The following TNKS variants were observed in gnomAD, a reference collection of about 807,000 sequenced individuals.
TNKS encodes the protein tankyrase.
In TNKS, 72 loss-of-function variants were observed where a neutral mutation model predicts 135.8. That is an observed-to-expected ratio of 0.53 (90% confidence interval 0.44 to 0.64). TNKS has a LOEUF of 0.64. Ranked by LOEUF, TNKS falls within the 30% of genes least tolerant of loss-of-function variation. The probability of loss-of-function intolerance (pLI) is 0.00; values close to 1 mark genes in which losing one functional copy is unlikely to be tolerated. For synonymous variants in TNKS, 849 were observed against 649.3 expected (o/e 1.31, Z -4.68); for missense variants, 1,769 against 1,674.0 (o/e 1.06, Z -0.99).
chr8:9,712,439 CACTGT>C (rs1363510124), intron 11 of TNKS, among the ~76,000 whole-genome samples: 2 of 151,450 alleles, frequency 1.3e-5, no homozygotes, highest in Non-Finnish European at 2.9e-5. Flanking sequence ...ATGATCATAC[CACTGT>C]ACTGCAGCCT....
At chr8:9,568,257 C>T (rs543682744) in intron 1 of TNKS, among the ~76,000 whole-genome samples, 2 of 152,276 alleles carry the variant, frequency 1.3e-5, no homozygotes, top group African/African-American at 2.4e-5. Flanking sequence ...GTTTGTTTCT[C>T]AGGGATCTGG....
intron 3 of TNKS, among the ~76,000 whole-genome samples, chr8:9,632,368 A>T (rs1800323984): frequency 6.6e-6 from 1 of 152,204 alleles, no homozygotes; most frequent in African/African-American, 2.4e-5. Flanking sequence ...ATACTCTCGC[A>T]TAGATTCACC....
chr8:9,676,215 G>A (rs527903321), intron 3 of TNKS, among the ~76,000 whole-genome samples: 3 of 151,980 alleles, frequency 2.0e-5, no homozygotes, highest in African/African-American at 4.8e-5. Context: ...GTTTCACCAT[G>A]TTGGCCAGGC....
chr8:9,652,136 G>C (rs577625392), intron 3 of TNKS, among the ~76,000 whole-genome samples: 1 of 152,292 alleles, frequency 6.6e-6, no homozygotes, highest in East Asian at 1.9e-4. Context: ...GAAGCTGTTA[G>C]AAGTCAATAG....
At chr8:9,734,375 T>A (rs529207570) in intron 15 of TNKS, among the ~76,000 whole-genome samples, 1 of 152,354 alleles carries the variant, frequency 6.6e-6, no homozygotes, top group East Asian at 1.9e-4. Context: ...TCATGATAGA[T>A]GTTAAGACTT....
At chr8:9,742,930 A>G (rs1806043230) in intron 17 of TNKS, among the ~76,000 whole-genome samples, 1 of 152,036 alleles carries the variant, frequency 6.6e-6, no homozygotes, top group Non-Finnish European at 1.5e-5. Context: ...GAGTAGATAC[A>G]ACTGTGTTCT....
rs186855406 is a variant in TNKS, at chr8:9,705,343, C to T, written c.1202+586C>T. Among the ~76,000 whole-genome samples the T allele has an allele frequency of 1.3e-3, 195 of 152,254 alleles. 1 individual carries two copies. The South Asian group carries it at 0.017, about 14-fold the overall frequency. On this transcript the variant is annotated intron_variant, in intron 6 of 26. Coordinates refer to ENST00000310430, the MANE Select transcript of TNKS (RefSeq NM_003747.3). ...ATATACGATCATTGGGTTTGCTGTC[C>T]TATGTGGTGGACTAACATTTCTCAT...
At chr8:9,664,493 A>G (rs1801895948) in intron 3 of TNKS, among the ~76,000 whole-genome samples, 1 of 152,242 alleles carries the variant, frequency 6.6e-6, no homozygotes. Flanking sequence ...ATACATTTGG[A>G]AGGCACAAAC....
At chr8:9,749,635 T>C (rs1461569797) in intron 18 of TNKS, among the ~76,000 whole-genome samples, 2 of 152,048 alleles carry the variant, frequency 1.3e-5, no homozygotes, top group African/African-American at 4.8e-5. Flanking sequence ...CCACTATGCC[T>C]GGCTATTTTT....
At chr8:9,740,567 C>T (rs1051265592) in intron 17 of TNKS, among the ~76,000 whole-genome samples, 52 of 152,108 alleles carry the variant, frequency 3.4e-4, no homozygotes, top group African/African-American at 1.2e-3. Context: ...TGAAAGAAAA[C>T]TATGCTTCCA....
intron 11 of TNKS, among the ~76,000 whole-genome samples, chr8:9,711,650 A>C (rs1017238644): frequency 3.3e-5 from 5 of 152,242 alleles, no homozygotes; most frequent in African/African-American, 1.2e-4. Context: ...CTGAGGACAA[A>C]TGACCATGAC....
At chr8:9,751,947 T>C (rs1013246578) in intron 19 of TNKS, 101 bp downstream of exon 19, 14 of 1,030,162 alleles carry the variant, frequency 1.4e-5, no homozygotes, top group Admixed American at 4.5e-5. Context: ...ATTAGAGACG[T>C]CCTGTCTGTA....
At chr8:9,605,244 C>G (rs753908668) in intron 2 of TNKS, among the ~76,000 whole-genome samples, 16 of 151,988 alleles carry the variant, frequency 1.1e-4, no homozygotes, top group Non-Finnish European at 1.9e-4. Flanking sequence ...TTAATTTTCC[C>G]TTCTAGAAAT....
intron 13 of TNKS, among the ~76,000 whole-genome samples, chr8:9,729,522 T>G (rs1190066424): frequency 7.2e-5 from 11 of 152,110 alleles, no homozygotes; most frequent in African/African-American, 2.7e-4. Flanking sequence ...TTCCCTCAAG[T>G]TGGATAATTA....
chr8:9,587,858 G>C (rs1179108083), intron 2 of TNKS, among the ~76,000 whole-genome samples: 1 of 152,206 alleles, frequency 6.6e-6, no homozygotes, highest in African/African-American at 2.4e-5. Flanking sequence ...ACATCTTACA[G>C]CGGTTTTGCA....
At chr8:9,677,446 C>A (rs914917826) in intron 3 of TNKS, among the ~76,000 whole-genome samples, 1 of 152,090 alleles carries the variant, frequency 6.6e-6, no homozygotes, top group Admixed American at 6.5e-5. Flanking sequence ...AAATACTTTG[C>A]GGTTTTATTA....
At chr8:9,577,769 C>T (rs1490444120) in intron 1 of TNKS, among the ~76,000 whole-genome samples, 1 of 152,200 alleles carries the variant, frequency 6.6e-6, no homozygotes, top group Admixed American at 6.5e-5. Flanking sequence ...ATATCCTTCT[C>T]ATATTTCAAA....
Position 9,750,208 on chromosome 8 carries a change from G to A in TNKS, c.2833-1401G>A, listed in dbSNP as rs189485881. ...ACCTCTAGTTGATTTTTATTCTGAGGCCATGTTTTCCTGTCAGCACGCTGG... is the reference window on the plus strand; with the variant it reads ...ACCTCTAGTTGATTTTTATTCTGAGACCATGTTTTCCTGTCAGCACGCTGG... On this transcript the variant is annotated intron_variant, in intron 18 of 26. Transcript: ENST00000310430. Among the ~76,000 whole-genome samples, 195 of 152,246 alleles carry A rather than the reference G, an allele frequency of 1.3e-3. 1 individual carries two copies. Among genetic ancestry groups the A allele is most frequent in the Non-Finnish European group, 2.4e-3 (160 of 68,008 alleles).
Position 9,580,147 on chromosome 8 carries a change from G to A in TNKS, c.674-12G>A, listed in dbSNP as rs921552897. On this transcript the variant is annotated splice_polypyrimidine_tract_variant and intron_variant, in intron 1 of 26. Coordinates refer to ENST00000310430, the MANE Select transcript of TNKS (RefSeq NM_003747.3). The stretch of plus-strand genomic sequence containing the variant: ...AAATATATATACAAGACATTTTTTC[G>A]TTTCTTTTTAGGTTTTGGAAGGAAG... The A allele has an allele frequency of 1.9e-5, 31 of 1,602,830 alleles. No homozygotes were observed. Among genetic ancestry groups the A allele is most frequent in the Middle Eastern group, 1.7e-4 (1 of 6,016 alleles).
Sources: allele counts gnomAD v4.1 joint callset (sites outside exome capture counted in the v4.1 genomes callset), GRCh38; gene constraint gnomAD v4.1.1; transcripts MANE v1.5; gene names NCBI Gene and HGNC (gene_info 2026-07-23, HGNC 2026-07-21).